Variants in AFF3 observed in about 807,000 individuals in gnomAD.
The protein encoded by AFF3 is ALF transcription elongation factor 3.
A neutral mutation model predicts 129.7 loss-of-function variants in AFF3; 32 were observed. The observed-to-expected ratio is 0.25, with a 90% CI of 0.19 to 0.33. The LOEUF (loss-of-function observed/expected upper bound fraction) is 0.33, where lower values mean the gene tolerates loss of function less well. Among genes scored for constraint, AFF3 ranks in the 10% least tolerant of loss-of-function variants. AFF3 has a pLI of 1.00. For missense variants in AFF3, 1,373 were observed against 1,592.0 expected (o/e 0.86, Z 2.34); for synonymous variants, 644 against 635.4 (o/e 1.01, Z -0.20).
intron 11 of AFF3, among the ~76,000 whole-genome samples, chr2:99,708,143 A>G (rs1677573192): frequency 6.6e-6 from 1 of 152,204 alleles, no homozygotes; most frequent in African/African-American, 2.4e-5. Context: ...TGGGACATAC[A>G]TATTGTAAAA....
At chr2:99,920,693 C>T (rs921832925) in intron 7 of AFF3, among the ~76,000 whole-genome samples, 5 of 151,800 alleles carry the variant, frequency 3.3e-5, no homozygotes, top group Non-Finnish European at 1.5e-5. Flanking sequence ...AGGTCCCTGC[C>T]TGTACAATCA....
At position 99,594,001 on chromosome 2, in the gene AFF3, C is replaced by T. The variant is rs1295393218; in HGVS notation, c.1660G>A (p.Val554Met). The change falls in exon 15 of 25, where the codon GTG becomes ATG. Residue 554 changes from valine to methionine, a missense_variant. By Grantham distance (21) the Val-to-Met change is conservative (BLOSUM62 1). Coordinates refer to ENST00000672756, the MANE Select transcript of AFF3 (RefSeq NM_001386135.1). ...GVKQKSPPAAVAVAVSAAAPP... is the reference protein window; with the variant it reads ...GVKQKSPPAAMAVAVSAAAPP... ...GCGGCTGCGCTCACCGCCACGGCCA[C>T]GGCCGCGGGCGGGGACTTCTGCTTC... 4 of 1,547,626 alleles carry T rather than the reference C, an allele frequency of 2.6e-6. No individual in the cohort carries two copies. Among genetic ancestry groups the T allele is most frequent in the Non-Finnish European group, 3.5e-6 (4 of 1,148,094 alleles).
chr2:99,885,077 C>A (rs900154211), intron 7 of AFF3, among the ~76,000 whole-genome samples: 3 of 152,182 alleles, frequency 2.0e-5, no homozygotes, highest in Non-Finnish European at 4.4e-5. Context: ...CCGTTAATAG[C>A]CCCTCATCAC....
intron 22 of AFF3, among the ~76,000 whole-genome samples, chr2:99,558,183 G>A (rs10179116): frequency 0.47 from 71,286 of 152,102 alleles, 19,918 homozygotes; most frequent in African/African-American, 0.79. Flanking sequence ...ACTAGAGACT[G>A]GCTAAGAGGG....
intron 4 of AFF3, among the ~76,000 whole-genome samples, chr2:100,032,197 G>A (rs1002214713): frequency 6.6e-6 from 1 of 152,106 alleles, no homozygotes; most frequent in Non-Finnish European, 1.5e-5. Context: ...GTGGGACAAG[G>A]CAGGTGGATT....
chr2:99,793,288 C>T (rs1187965049), intron 8 of AFF3, among the ~76,000 whole-genome samples: 1 of 152,214 alleles, frequency 6.6e-6, no homozygotes, highest in Non-Finnish European at 1.5e-5. Flanking sequence ...CTTCGTGAGG[C>T]CTCGCCAGAA....
At chr2:99,794,197 C>T (rs1384673137) in intron 8 of AFF3, among the ~76,000 whole-genome samples, 1 of 152,216 alleles carries the variant, frequency 6.6e-6, no homozygotes, top group Non-Finnish European at 1.5e-5. Context: ...CTATGGGTCA[C>T]ATTTGCTGCT....
intron 19 of AFF3, among the ~76,000 whole-genome samples, chr2:99,565,911 T>A (rs1299233384): frequency 6.6e-6 from 1 of 152,200 alleles, no homozygotes; most frequent in Admixed American, 6.5e-5. Flanking sequence ...TCTGTTTCCC[T>A]CTTTCTAACC....
chr2:100,036,633 A>G (rs992429272), intron 4 of AFF3, among the ~76,000 whole-genome samples: 1 of 152,082 alleles, frequency 6.6e-6, no homozygotes, highest in African/African-American at 2.4e-5. Context: ...ACATAACCAC[A>G]AAGTTACAAA....
At chr2:99,665,108 A>T (rs1686563075) in intron 12 of AFF3, among the ~76,000 whole-genome samples, 1 of 152,234 alleles carries the variant, frequency 6.6e-6, no homozygotes, top group Non-Finnish European at 1.5e-5. Flanking sequence ...AAATGAGCTC[A>T]GTGTGAAGAT....
At chr2:99,573,991 C>T (rs1224821118) in intron 18 of AFF3, among the ~76,000 whole-genome samples, 14 of 152,152 alleles carry the variant, frequency 9.2e-5, no homozygotes, top group Admixed American at 7.9e-4. Context: ...TAGCCCTGTT[C>T]AGGACTTCTG....
chr2:99,831,690 G>A (rs1688528789), intron 8 of AFF3, among the ~76,000 whole-genome samples: 1 of 152,106 alleles, frequency 6.6e-6, no homozygotes. Context: ...TTTTGAAAAT[G>A]CTCACTAAAA....
intron 12 of AFF3, among the ~76,000 whole-genome samples, chr2:99,667,540 AATAG>A (rs1488026324): frequency 6.6e-6 from 1 of 152,220 alleles, no homozygotes; most frequent in African/African-American, 2.4e-5. Flanking sequence ...AGAAAAAACA[AATAG>A]ATAATATTAA....
chr2:99,735,102 T>G (rs1680143904), intron 10 of AFF3, among the ~76,000 whole-genome samples: 1 of 152,212 alleles, frequency 6.6e-6, no homozygotes, highest in Non-Finnish European at 1.5e-5. Flanking sequence ...AACATATACA[T>G]ATATACATGT....
intron 13 of AFF3, among the ~76,000 whole-genome samples, chr2:99,612,159 C>G (rs4851216): frequency 6.6e-6 from 1 of 152,186 alleles, no homozygotes; most frequent in South Asian, 2.1e-4. Context: ...TTTAGCTGTA[C>G]TTAGCAGGAG....
At chr2:100,094,260 T>C (rs1482296298) in intron 4 of AFF3, among the ~76,000 whole-genome samples, 1 of 152,120 alleles carries the variant, frequency 6.6e-6, no homozygotes, top group African/African-American at 2.4e-5. Flanking sequence ...TTGTAATCTA[T>C]AATAAAATAA....
intron 8 of AFF3, among the ~76,000 whole-genome samples, chr2:99,792,920 C>G (rs1190535778): frequency 6.6e-6 from 1 of 152,154 alleles, no homozygotes; most frequent in Non-Finnish European, 1.5e-5. Context: ...GTTTCCTCCT[C>G]ATTTGTTTTC....
At chr2:100,065,776 T>C (rs914443124) in intron 4 of AFF3, among the ~76,000 whole-genome samples, 1 of 152,236 alleles carries the variant, frequency 6.6e-6, no homozygotes, top group Non-Finnish European at 1.5e-5. Context: ...AAAACAAAAT[T>C]AGATAAGCAT....
chr2:99,669,188 T>G (rs1686941628), intron 12 of AFF3, among the ~76,000 whole-genome samples: 1 of 152,122 alleles, frequency 6.6e-6, no homozygotes, highest in Non-Finnish European at 1.5e-5. Flanking sequence ...CCAACAAAAA[T>G]GTTCCCATGT....
Sources: gnomAD v4.1 joint callset for allele counts (sites outside exome capture counted in the v4.1 genomes callset) on GRCh38, gnomAD v4.1.1 for gene constraint, MANE v1.5 for transcripts, NCBI Gene and HGNC (gene_info 2026-07-23, HGNC 2026-07-21) for gene names.